ST3GAL1: variants seen among roughly 807,000 people sequenced by gnomAD.
ST3GAL1 encodes ST3 beta-galactoside alpha-2,3-sialyltransferase 1, also known as CMP-N-acetylneuraminate-beta-galactosamide-alpha-2,3-sialyltransferase 1.
In ST3GAL1, 16 loss-of-function variants were observed where a neutral mutation model predicts 34.1. The ratio of observed to expected loss-of-function variants is 0.47; its 90% CI spans 0.32 to 0.71. ST3GAL1 has a LOEUF of 0.71. Ranked by LOEUF, ST3GAL1 falls within the 30% of genes least tolerant of loss-of-function variation. ST3GAL1 has a pLI of 0.04. For missense variants in ST3GAL1, 353 were observed against 447.4 expected, an observed-to-expected ratio of 0.79 and a Z score of 1.90; for synonymous variants, 191 against 184.7, an observed-to-expected ratio of 1.03 and a Z score of -0.28.
chr8:133,481,316 T>C (rs1160139890), intron 3 of ST3GAL1, among the ~76,000 whole-genome samples: 2 of 152,254 alleles, frequency 1.3e-5, no homozygotes, highest in African/African-American at 2.4e-5. Flanking sequence ...TCTGGTTTAC[T>C]CTTACCCCTG....
intron 7 of ST3GAL1, among the ~76,000 whole-genome samples, chr8:133,464,285 C>A (rs1815641331): frequency 1.3e-5 from 2 of 152,178 alleles, no homozygotes; most frequent in African/African-American, 4.8e-5. Flanking sequence ...GCTCAGGAAA[C>A]TAAGCTCCTG....
intron 2 of ST3GAL1, among the ~76,000 whole-genome samples, chr8:133,501,423 A>G (rs1310447437): frequency 6.6e-6 from 1 of 152,102 alleles, no homozygotes; most frequent in Non-Finnish European, 1.5e-5. Context: ...AGTACTGTCA[A>G]TTTGGAATCT....
chr8:133,508,369 T>G lies in ST3GAL1; in HGVS notation c.-428-9180A>C, dbSNP rs1178100805. ...TGTGGGACAGCCTCATGGTACAGTTTGTGCTCTGGGGTTGGCCGTGGGATC... is the reference window on the plus strand; with the variant it reads ...TGTGGGACAGCCTCATGGTACAGTTGGTGCTCTGGGGTTGGCCGTGGGATC... On this transcript the variant is annotated intron_variant, in intron 2 of 9. Transcript: ENST00000522652. This position sits in a 1 kb window ranked among gnomAD's most constrained non-coding sequence, Gnocchi z 4.1. 6.6e-6 allele frequency among the ~76,000 whole-genome samples: 1 copy of G among 152,154 alleles called. No individual in the cohort carries two copies. The highest frequency in any genetic ancestry group is 1.9e-4 in the East Asian group (1 of 5,162).
chr8:133,463,368 T>G (rs1815585785), intron 8 of ST3GAL1, 46 bp downstream of exon 8: 3 of 1,607,928 alleles, frequency 1.9e-6, no homozygotes, highest in African/African-American at 1.3e-5. Context: ...GAGCCTTAGA[T>G]GAGGAAGCCT....
intron 2 of ST3GAL1, among the ~76,000 whole-genome samples, chr8:133,535,525 A>ATT (rs112708766): frequency 1.4e-5 from 2 of 144,936 alleles, no homozygotes; most frequent in African/African-American, 2.7e-5. Flanking sequence ...GTATTTTTTA[A>ATT]TTTTTTTTTT....
At chr8:133,504,553 GT>G (rs1223342152) in intron 2 of ST3GAL1, among the ~76,000 whole-genome samples, 1 of 152,216 alleles carries the variant, frequency 6.6e-6, no homozygotes, top group Non-Finnish European at 1.5e-5. Context: ...CTTGTTTCTG[GT>G]TTGGTTTTTT....
intron 3 of ST3GAL1, among the ~76,000 whole-genome samples, chr8:133,483,415 G>A (rs1269423938): frequency 6.6e-6 from 1 of 152,146 alleles, no homozygotes; most frequent in African/African-American, 2.4e-5. Flanking sequence ...AAAGTGAACA[G>A]CTCAGTTCCC....
intron 3 of ST3GAL1, among the ~76,000 whole-genome samples, chr8:133,486,114 G>A (rs575307489): frequency 1.2e-4 from 18 of 152,332 alleles, no homozygotes; most frequent in Middle Eastern, 3.4e-3. Context: ...GCCCACAGTG[G>A]TCAAGCCACC....
intron 1 of ST3GAL1, among the ~76,000 whole-genome samples, chr8:133,546,723 G>T: frequency 6.6e-6 from 1 of 152,078 alleles, no homozygotes; most frequent in East Asian, 2.0e-4. Flanking sequence ...ATCTGGCAGG[G>T]TGCGGTGGCT....
chr8:133,541,070 C>CATATATAT (rs377685012), intron 2 of ST3GAL1, among the ~76,000 whole-genome samples: 1 of 41,684 alleles, frequency 2.4e-5, no homozygotes, highest in African/African-American at 1.1e-4. Context: ...TATATATAGA[C>CATATATAT]ATATATATAG....
chr8:133,537,363 C>T (rs1184632567), intron 2 of ST3GAL1, among the ~76,000 whole-genome samples: 2 of 152,084 alleles, frequency 1.3e-5, no homozygotes, highest in Non-Finnish European at 2.9e-5. Flanking sequence ...AGGGTAGGAC[C>T]CTCTCTGGGG....
chr8:133,551,598 GAA>G (rs1563739162), intron 1 of ST3GAL1, among the ~76,000 whole-genome samples: 3 of 150,596 alleles, frequency 2.0e-5, no homozygotes, highest in Non-Finnish European at 2.9e-5. Flanking sequence ...AAGAAAGAAA[GAA>G]AGAAAGAAAG....
Position 133,508,912 on chromosome 8 carries a change from G to T in ST3GAL1, c.-428-9723C>A, listed in dbSNP as rs186941343. ...CGCAAGTATGAAACTCAAGCTGGCT[G>T]CCCGCTGTGCTTTGAGTAATGAAGT... On this transcript the variant is annotated intron_variant, in intron 2 of 9. Transcript: ENST00000522652. The surrounding 1 kb of genome is among the most constrained non-coding windows in gnomAD (Gnocchi z 4.1). 1.6e-3 allele frequency among the ~76,000 whole-genome samples: 241 copies of T among 152,202 alleles called. 1 individual carries two copies. The highest frequency in any genetic ancestry group is 3.1e-3 in the Non-Finnish European group (210 of 68,018).
At chr8:133,566,560 C>A (rs950771666) in intron 1 of ST3GAL1, among the ~76,000 whole-genome samples, 2 of 152,136 alleles carry the variant, frequency 1.3e-5, no homozygotes, top group Admixed American at 1.3e-4. Context: ...CACCCACATG[C>A]ACCTCAAACC....
At chr8:133,544,144 C>G (rs1179374151) in intron 2 of ST3GAL1, 2 of 151,756 alleles carry the variant, frequency 1.3e-5, no homozygotes, top group Non-Finnish European at 2.9e-5. Context: ...AAATGCCAAA[C>G]CTGGGGCCTT....
In ST3GAL1 at chr8:133,546,987, A is replaced by G. The variant is rs557763246; in HGVS notation, c.-581-1061T>C. Among the ~76,000 whole-genome samples, 5 of 149,090 alleles carry G rather than the reference A, an allele frequency of 3.4e-5. No individual in the cohort carries two copies. The South Asian group carries it at 1.1e-3, about 32-fold the overall frequency. ...ACCACTGCCCTCCAGCCTGGGCGAC[A>G]GCGAGACTCCATCTCAGGAAAAAAA... is the stretch of plus-strand genomic sequence containing the variant. On this transcript the variant is annotated intron_variant, in intron 1 of 9. Transcript: ENST00000522652.
intron 2 of ST3GAL1, among the ~76,000 whole-genome samples, chr8:133,541,895 G>T (rs554052161): frequency 6.6e-6 from 1 of 152,162 alleles, no homozygotes; most frequent in South Asian, 2.1e-4. Flanking sequence ...TGGTGGCGGC[G>T]TTGATAGTGA....
intron 1 of ST3GAL1, among the ~76,000 whole-genome samples, chr8:133,562,501 C>T (rs901044597): frequency 1.9e-4 from 29 of 152,144 alleles, no homozygotes; most frequent in Non-Finnish European, 3.7e-4. Flanking sequence ...AGCCACAGGG[C>T]CTGGCCTGAA....
At chr8:133,528,797 A>G (rs1376622468) in intron 2 of ST3GAL1, among the ~76,000 whole-genome samples, 2 of 152,230 alleles carry the variant, frequency 1.3e-5, no homozygotes, top group African/African-American at 4.8e-5. Flanking sequence ...TTAGGGCTCC[A>G]AGGGTAGGAC....
Sources: gnomAD v4.1 joint callset for allele counts (sites outside exome capture counted in the v4.1 genomes callset) on GRCh38, gnomAD v4.1.1 for gene constraint, Gnocchi (gnomAD v3.1) non-coding constraint, MANE v1.5 for transcripts, NCBI Gene and HGNC (gene_info 2026-07-23, HGNC 2026-07-21) for gene names.